Variants in MAPK10 observed in about 807,000 individuals in gnomAD.
The protein encoded by MAPK10 is JNK3 alpha protein kinase.
In MAPK10, 25 loss-of-function variants were observed where a neutral mutation model predicts 59.3. The ratio of observed to expected loss-of-function variants is 0.42; its 90% CI spans 0.31 to 0.59. The LOEUF (loss-of-function observed/expected upper bound fraction) is 0.59. Ranked by LOEUF, MAPK10 falls within the 20% of genes least tolerant of loss-of-function variation. The probability of loss-of-function intolerance (pLI) is 0.15; values close to 1 mark genes in which losing one functional copy is unlikely to be tolerated. For synonymous variants in MAPK10, 190 were observed against 200.5 expected (o/e 0.95, Z 0.44); for missense variants, 351 against 568.9 (o/e 0.62, Z 3.90).
At chr4:86,330,438 A>C (rs903933160) in intron 2 of MAPK10, among the ~76,000 whole-genome samples, 13 of 152,160 alleles carry the variant, frequency 8.5e-5, no homozygotes, top group African/African-American at 3.1e-4. Flanking sequence ...TCTTCACCCA[A>C]ATCTCATCTC....
At chr4:86,092,205 C>T (rs1157096622) in intron 9 of MAPK10, among the ~76,000 whole-genome samples, 1 of 152,108 alleles carries the variant, frequency 6.6e-6, no homozygotes, top group Non-Finnish European at 1.5e-5. Flanking sequence ...ATTTCATTTT[C>T]TTTATTTTAA....
chr4:86,242,346 C>A (rs1444132837), intron 2 of MAPK10, among the ~76,000 whole-genome samples: 1 of 152,108 alleles, frequency 6.6e-6, no homozygotes, highest in Admixed American at 6.5e-5. Flanking sequence ...GCACGGGGAG[C>A]AGGACCCATT....
chr4:86,226,985 T>C (rs1031437704), intron 2 of MAPK10, among the ~76,000 whole-genome samples: 3 of 152,366 alleles, frequency 2.0e-5, no homozygotes, highest in East Asian at 1.9e-4. Flanking sequence ...ATTTGATGAA[T>C]TGCTTTTCCT....
intron 1 of MAPK10, among the ~76,000 whole-genome samples, chr4:86,532,562 C>G (rs2149091940): frequency 6.6e-6 from 1 of 152,254 alleles, no homozygotes; most frequent in African/African-American, 2.4e-5. Context: ...ATCATTGTTC[C>G]AGTCCTCTCT....
chr4:86,023,943 A>G (rs564964565), intron 13 of MAPK10: 1 of 149,394 alleles, frequency 6.7e-6, no homozygotes, highest in Non-Finnish European at 1.5e-5. Context: ...TTTTAAAAAT[A>G]ACTGGTTTTA....
At chr4:86,074,621 TGTAAA>T (rs1347032529) in intron 9 of MAPK10, among the ~76,000 whole-genome samples, 14 of 135,032 alleles carry the variant, frequency 1.0e-4, no homozygotes, top group African/African-American at 4.1e-4. Flanking sequence ...TTTGCTTGTC[TGTAAA>T]GTATTTTATT....
At chr4:86,346,840 A>G (rs1728545772) in intron 2 of MAPK10, among the ~76,000 whole-genome samples, 1 of 151,860 alleles carries the variant, frequency 6.6e-6, no homozygotes. Context: ...TTTGCTAAAT[A>G]TATTTTATTC....
intron 1 of MAPK10, among the ~76,000 whole-genome samples, chr4:86,511,024 A>G (rs1756192187): frequency 6.6e-6 from 1 of 152,248 alleles, no homozygotes; most frequent in South Asian, 2.1e-4. Flanking sequence ...AAATAGCTAG[A>G]AAAGAAAATT....
intron 1 of MAPK10, among the ~76,000 whole-genome samples, chr4:86,476,065 G>A (rs999261619): frequency 2.6e-5 from 4 of 152,182 alleles, no homozygotes; most frequent in Non-Finnish European, 4.4e-5. Context: ...GATGCCTGAC[G>A]TCCAGGCATT....
At chr4:86,285,938 C>T (rs2094990297) in intron 2 of MAPK10, among the ~76,000 whole-genome samples, 1 of 152,194 alleles carries the variant, frequency 6.6e-6, no homozygotes, top group South Asian at 2.1e-4. Context: ...ATTCCGCCTT[C>T]TTCTGCATTT....
At chr4:86,505,483 C>G (rs1226644447) in intron 1 of MAPK10, among the ~76,000 whole-genome samples, 1 of 151,908 alleles carries the variant, frequency 6.6e-6, no homozygotes, top group African/African-American at 2.4e-5. Flanking sequence ...GTAATCCCAG[C>G]TTATCAGGAG....
At chr4:86,479,580 T>C (rs111609414) in intron 1 of MAPK10, among the ~76,000 whole-genome samples, 35,002 of 151,880 alleles carry the variant, frequency 0.23, 5,045 homozygotes, top group East Asian at 0.34. Flanking sequence ...ACACTGCCGA[T>C]TTACACTGTT....
rs543014239 is a variant in MAPK10 at position 86,483,346 on chromosome 4, A to T, written c.-263+110564T>A. 4.0e-5 allele frequency among the ~76,000 whole-genome samples: 6 copies of T among 151,510 alleles called. No homozygotes were observed. In the South Asian group the frequency reaches 6.2e-4, roughly 16 times the overall value. Reference sequence around the variant, plus strand: ...ACTGCATTTGATTATGAGTGTGCTTAAAAAAAAATCCAAAAACTGGAAACT... The same window carrying T: ...ACTGCATTTGATTATGAGTGTGCTTTAAAAAAAATCCAAAAACTGGAAACT... On this transcript the variant is annotated intron_variant, in intron 1 of 4. Transcript: ENST00000502302.
chr4:86,454,476 G>A (rs566737349), upstream of MAPK10, among the ~76,000 whole-genome samples: 9 of 152,176 alleles, frequency 5.9e-5, no homozygotes, highest in African/African-American at 1.9e-4. Context: ...AAATGCTCTG[G>A]AAAGTCTCAG....
intron 1 of MAPK10, among the ~76,000 whole-genome samples, chr4:86,579,119 G>C (rs1189113209): frequency 6.6e-6 from 1 of 152,110 alleles, no homozygotes; most frequent in Non-Finnish European, 1.5e-5. Context: ...TAATTCAACA[G>C]GATATACGGC....
intron 3 of MAPK10, among the ~76,000 whole-genome samples, chr4:86,184,554 T>A (rs1389087981): frequency 6.6e-6 from 1 of 152,152 alleles, no homozygotes; most frequent in Non-Finnish European, 1.5e-5. Flanking sequence ...TAAAATGTAA[T>A]CCTCAGTGCT....
At chr4:86,479,228 C>A (rs1173912209) in intron 1 of MAPK10, among the ~76,000 whole-genome samples, 1 of 152,020 alleles carries the variant, frequency 6.6e-6, no homozygotes, top group African/African-American at 2.4e-5. Flanking sequence ...GTCAAATCAC[C>A]CAAGCAGTTT....
intron 13 of MAPK10, chr4:86,026,394 T>A (rs1447618766): frequency 1.3e-5 from 2 of 152,210 alleles, no homozygotes; most frequent in Non-Finnish European, 2.9e-5. Flanking sequence ...ATGCCATCCT[T>A]GAAAATAAAT....
At chr4:86,191,553 CTTTTTTTTTTTTTTTTT>C (rs35357476) in intron 3 of MAPK10, 8 of 30,412 alleles carry the variant, frequency 2.6e-4, no homozygotes, top group Non-Finnish European at 3.5e-4. Context: ...ACAACCCGTG[CTTTTTTTTTTTTTTTTT>C]TTTTTTTTTT....
Sources: gnomAD v4.1 joint callset for allele counts (sites outside exome capture counted in the v4.1 genomes callset) on GRCh38, gnomAD v4.1.1 for gene constraint, MANE v1.5 for transcripts, NCBI Gene and HGNC (gene_info 2026-07-23, HGNC 2026-07-21) for gene names.